KCND2: variants seen among roughly 807,000 people sequenced by gnomAD.
The protein encoded by KCND2 is A-type voltage-gated potassium channel KCND2.
A neutral mutation model predicts 54.4 loss-of-function variants in KCND2; 16 were observed. The observed-to-expected ratio is 0.29, with a 90% CI of 0.20 to 0.45. The LOEUF (loss-of-function observed/expected upper bound fraction) is 0.45. KCND2 is among the 20% of genes least tolerant of loss of function. KCND2 has a pLI of 1.00. For synonymous variants in KCND2, 317 were observed against 310.7 expected, an observed-to-expected ratio of 1.02 and a Z score of -0.21; for missense variants, 486 against 824.2, an observed-to-expected ratio of 0.59 and a Z score of 5.02.
chr7:120,435,270 C>CTTT (rs533084445), intron 1 of KCND2, among the ~76,000 whole-genome samples: 1 of 132,862 alleles, frequency 7.5e-6, no homozygotes, highest in South Asian at 2.4e-4. Flanking sequence ...CCATGCCTGG[C>CTTT]TTTTTTTTTT....
chr7:120,747,588 AT>A (rs1175541073), intron 5 of KCND2, 92 bp from the exon 6 acceptor site: 2 of 841,488 alleles, frequency 2.4e-6, no homozygotes, highest in Non-Finnish European at 3.9e-6. Context: ...CAATTAAAAT[AT>A]TTTTATAAGC....
At chr7:120,575,494 C>T (rs1040228318) in intron 1 of KCND2, among the ~76,000 whole-genome samples, 6 of 152,284 alleles carry the variant, frequency 3.9e-5, no homozygotes, top group African/African-American at 1.4e-4. Flanking sequence ...GAGGGTGGGT[C>T]TGCCTCTCCA....
chr7:120,610,600 C>T (rs868137044), intron 1 of KCND2, among the ~76,000 whole-genome samples: 1 of 152,020 alleles, frequency 6.6e-6, no homozygotes, highest in Non-Finnish European at 1.5e-5. Context: ...GCCTGTACTG[C>T]GGGTCTGCAG....
At position 120,390,710 on chromosome 7, in the gene KCND2, T is replaced by G. The variant is rs528176644; in HGVS notation, c.1115+114963T>G. 2.0e-4 allele frequency among the ~76,000 whole-genome samples: 31 copies of G among 152,118 alleles called. No homozygotes were observed. In the South Asian group the frequency reaches 6.4e-3, roughly 32 times the overall value. On this transcript the variant is annotated intron_variant, in intron 1 of 5. Transcript: ENST00000331113. ...TCATTTTGTTTATCAAAAAATAAGTTTATCTTTGTTCATCATTTTTTACTT... is the reference window on the plus strand; with the variant it reads ...TCATTTTGTTTATCAAAAAATAAGTGTATCTTTGTTCATCATTTTTTACTT...
intron 1 of KCND2, among the ~76,000 whole-genome samples, chr7:120,375,884 G>A (rs1263203972): frequency 6.6e-6 from 1 of 151,670 alleles, no homozygotes; most frequent in Non-Finnish European, 1.5e-5. Context: ...AAGATATGTA[G>A]GGCTTTAGTG....
intron 1 of KCND2, among the ~76,000 whole-genome samples, chr7:120,425,257 C>A (rs1211340485): frequency 6.6e-6 from 1 of 152,218 alleles, no homozygotes; most frequent in East Asian, 1.9e-4. Context: ...CTTGCCAACT[C>A]ACTTCCAAAG....
At chr7:120,641,754 C>CTTTTTTTTT (rs5886998) in intron 1 of KCND2, among the ~76,000 whole-genome samples, 2 of 129,906 alleles carry the variant, frequency 1.5e-5, no homozygotes, top group Non-Finnish European at 3.2e-5. Context: ...CAAGCATATT[C>CTTTTTTTTT]TTTTTTTTTT....
intron 1 of KCND2, among the ~76,000 whole-genome samples, chr7:120,429,034 A>T (rs960943535): frequency 6.6e-6 from 1 of 152,144 alleles, no homozygotes; most frequent in Non-Finnish European, 1.5e-5. Context: ...GGAAGAAGGG[A>T]GAGGCTCAGT....
chr7:120,562,762 G>A (rs1435374475), intron 1 of KCND2, among the ~76,000 whole-genome samples: 1 of 152,064 alleles, frequency 6.6e-6, no homozygotes, highest in Non-Finnish European at 1.5e-5. Flanking sequence ...ATAAAACTCA[G>A]ATATATTTTA....
At chr7:120,408,791 A>C (rs1427033032) in intron 1 of KCND2, among the ~76,000 whole-genome samples, 1 of 151,840 alleles carries the variant, frequency 6.6e-6, no homozygotes, top group Non-Finnish European at 1.5e-5. Flanking sequence ...CCTTCTTGAC[A>C]TTATTATATA....
intron 1 of KCND2, among the ~76,000 whole-genome samples, chr7:120,363,742 A>G (rs1800627908): frequency 6.6e-6 from 1 of 152,092 alleles, no homozygotes; most frequent in Non-Finnish European, 1.5e-5. Flanking sequence ...ATAAAAGTCA[A>G]ACTCTTTACA....
At chr7:120,718,975 A>C (rs1192702440) in intron 1 of KCND2, among the ~76,000 whole-genome samples, 9 of 152,132 alleles carry the variant, frequency 5.9e-5, no homozygotes, top group Admixed American at 5.9e-4. Context: ...CTTCACTGGA[A>C]GATCCTTTTG....
intron 1 of KCND2, among the ~76,000 whole-genome samples, chr7:120,404,768 G>GC (rs1335314403): frequency 4.5e-5 from 3 of 66,144 alleles, no homozygotes; most frequent in Non-Finnish European, 8.2e-5. Context: ...CTGATTTTTG[G>GC]GGGGGGACCT....
chr7:120,282,923 T>G (rs1039737433), intron 1 of KCND2, among the ~76,000 whole-genome samples: 3 of 152,100 alleles, frequency 2.0e-5, no homozygotes, highest in Admixed American at 2.0e-4. Flanking sequence ...TAGGAACTAT[T>G]TAAAACTAAA....
At chr7:120,464,058 A>G (rs770196375) in intron 1 of KCND2, 1 of 981,572 alleles carries the variant, frequency 1.0e-6, no homozygotes. Context: ...TTTGCTTTCC[A>G]GAAGAGCATA....
At chr7:120,353,993 A>G (rs1800453370) in intron 1 of KCND2, among the ~76,000 whole-genome samples, 3 of 152,174 alleles carry the variant, frequency 2.0e-5, no homozygotes, top group African/African-American at 7.2e-5. Context: ...AGATTTTAGT[A>G]TCTTAATATT....
chr7:120,611,597 T>C (rs1250962224), intron 1 of KCND2, among the ~76,000 whole-genome samples: 5 of 152,156 alleles, frequency 3.3e-5, no homozygotes, highest in African/African-American at 1.2e-4. Flanking sequence ...CCTGATTGAA[T>C]TGGTGAGATT....
intron 1 of KCND2, among the ~76,000 whole-genome samples, chr7:120,631,432 G>T (rs1209824579): frequency 6.6e-6 from 1 of 151,994 alleles, no homozygotes; most frequent in Non-Finnish European, 1.5e-5. Context: ...CTTTGTGAAG[G>T]CTTAAGATAA....
chr7:120,422,686 G>C lies in KCND2; in HGVS notation c.1115+146939G>C, dbSNP rs553441295. Among the ~76,000 whole-genome samples the C allele has an allele frequency of 2.0e-5, 3 of 152,134 alleles. No individual in the cohort carries two copies. The East Asian group carries it at 5.8e-4, about 29-fold the overall frequency. The stretch of plus-strand genomic sequence containing the variant: ...CCTTCTTCCGTCTGCCCTCCACCTC[G>C]CTCTGCTTTCTCTGGGCTTTCTCAC... On this transcript the variant is annotated intron_variant, in intron 1 of 5. Coordinates refer to ENST00000331113, the MANE Select transcript of KCND2 (RefSeq NM_012281.3).
Sources: gnomAD v4.1 joint callset for allele counts (sites outside exome capture counted in the v4.1 genomes callset) on GRCh38, gnomAD v4.1.1 for gene constraint, MANE v1.5 for transcripts, NCBI Gene and HGNC (gene_info 2026-07-23, HGNC 2026-07-21) for gene names.